ROBO1: variants seen among roughly 807,000 people sequenced by gnomAD.
ROBO1 encodes the protein roundabout homolog 1.
Under a neutral mutation model 195.9 loss-of-function variants are expected in ROBO1, and 149 were observed. The observed-to-expected ratio is 0.76, with a 90% CI of 0.67 to 0.87. The LOEUF (loss-of-function observed/expected upper bound fraction) is 0.87. Among genes scored for constraint, ROBO1 ranks in the 40% least tolerant of loss-of-function variants. The pLI is 0.00. For synonymous variants in ROBO1, 816 were observed against 733.2 expected, an observed-to-expected ratio of 1.11 and a Z score of -1.82; for missense variants, 1,933 against 2,068.3, an observed-to-expected ratio of 0.93 and a Z score of 1.27.
chr3:78,863,287 T>A (rs1439356380), intron 4 of ROBO1, among the ~76,000 whole-genome samples: 1 of 152,172 alleles, frequency 6.6e-6, no homozygotes, highest in African/African-American at 2.4e-5. Flanking sequence ...ATTATCAATA[T>A]CTGATCCATT....
At chr3:78,720,736 T>C (rs1234874534) in intron 5 of ROBO1, among the ~76,000 whole-genome samples, 6 of 152,242 alleles carry the variant, frequency 3.9e-5, no homozygotes, top group Admixed American at 1.3e-4. Context: ...AAATGTGGCA[T>C]ATATACACCA....
In ROBO1 at chr3:79,715,231, T is replaced by C. The variant is rs1376001874; in HGVS notation, c.-51+52521A>G. Among the ~76,000 whole-genome samples, 7 of 152,220 alleles carry C rather than the reference T, an allele frequency of 4.6e-5. No homozygotes were observed. In the East Asian group the frequency reaches 1.4e-3, roughly 29 times the overall value. On this transcript the variant is annotated intron_variant, in intron 1 of 30. Coordinates refer to ENST00000464233, the MANE Select transcript of ROBO1 (RefSeq NM_002941.4). Reference sequence around the variant, plus strand: ...AAAGCTGTGGCATGGTTTGAGAGGATTGAACTCAATTTTAAAAGGCATTCT... The same window carrying C: ...AAAGCTGTGGCATGGTTTGAGAGGACTGAACTCAATTTTAAAAGGCATTCT...
chr3:79,758,341 G>T (rs1024351243), intron 1 of ROBO1, among the ~76,000 whole-genome samples: 14 of 152,138 alleles, frequency 9.2e-5, no homozygotes, highest in African/African-American at 3.4e-4. Context: ...CAGTTCCTTT[G>T]TTGCACTAGC....
intron 5 of ROBO1, among the ~76,000 whole-genome samples, chr3:78,738,117 G>A (rs1324483163): frequency 6.6e-6 from 1 of 152,138 alleles, no homozygotes; most frequent in Admixed American, 6.6e-5. Flanking sequence ...AGCAGATGGC[G>A]TAGGAAGGAG....
chr3:78,778,134 A>G (rs1209960139), intron 4 of ROBO1, among the ~76,000 whole-genome samples: 1 of 152,136 alleles, frequency 6.6e-6, no homozygotes, highest in Non-Finnish European at 1.5e-5. Context: ...GATGGATTAT[A>G]TTTATTGATT....
intron 3 of ROBO1, among the ~76,000 whole-genome samples, chr3:78,949,197 C>T (rs79910726): frequency 0.39 from 49,348 of 126,574 alleles, 10,832 homozygotes; most frequent in African/African-American, 0.65. Context: ...GAGACCGCAT[C>T]GCCAAGTCAA....
chr3:79,056,431 A>G (rs1044542481), intron 3 of ROBO1, among the ~76,000 whole-genome samples: 25 of 152,110 alleles, frequency 1.6e-4, no homozygotes, highest in African/African-American at 5.1e-4. Flanking sequence ...TGGATTACAC[A>G]TCGCTCAGGA....
rs1016442355 is a variant in ROBO1, at chr3:78,726,169, C to T, written c.658-8286G>A. On this transcript the variant is annotated intron_variant, in intron 5 of 30. Transcript: ENST00000464233. Reference sequence around the variant, plus strand: ...ACCACCAAACTGTCATAGAATTTATCTCATTTCCTTTAATATATTTTACAT... The same window carrying T: ...ACCACCAAACTGTCATAGAATTTATTTCATTTCCTTTAATATATTTTACAT... 2.0e-5 allele frequency among the ~76,000 whole-genome samples: 3 copies of T among 152,238 alleles called. No individual in the cohort carries two copies. In the East Asian group the frequency reaches 5.8e-4, roughly 29 times the overall value.
intron 30 of ROBO1, 158 bp downstream of exon 30, chr3:78,599,955 C>A: frequency 1.5e-6 from 1 of 688,866 alleles, no homozygotes; most frequent in Non-Finnish European, 2.6e-6. Flanking sequence ...CAAGAAAATT[C>A]TCAAATTCTC....
chr3:79,551,801 G>A (rs1178922491), intron 2 of ROBO1, among the ~76,000 whole-genome samples: 1 of 151,564 alleles, frequency 6.6e-6, no homozygotes, highest in African/African-American at 2.4e-5. Context: ...ACCTTTCAAA[G>A]GATGATCTTA....
chr3:79,039,522 G>A (rs921168586), intron 3 of ROBO1, among the ~76,000 whole-genome samples: 2 of 152,236 alleles, frequency 1.3e-5, no homozygotes, highest in African/African-American at 4.8e-5. Context: ...TTGTGGCTGA[G>A]CGCTGTGGCT....
chr3:79,601,481 CTA>C (rs1464888139), intron 1 of ROBO1, among the ~76,000 whole-genome samples: 3 of 151,902 alleles, frequency 2.0e-5, no homozygotes, highest in Admixed American at 1.3e-4. Context: ...GCAAAGGTCT[CTA>C]TTATGATATT....
At chr3:79,230,003 C>T (rs1286309082) in intron 2 of ROBO1, among the ~76,000 whole-genome samples, 1 of 152,092 alleles carries the variant, frequency 6.6e-6, no homozygotes, top group Non-Finnish European at 1.5e-5. Flanking sequence ...AATCAGCGTT[C>T]TGTGAACTTC....
chr3:78,906,402 C>G (rs1311171911), intron 4 of ROBO1, among the ~76,000 whole-genome samples: 1 of 152,088 alleles, frequency 6.6e-6, no homozygotes. Flanking sequence ...CAGCCACTGA[C>G]TTGGCCTTTA....
intron 3 of ROBO1, among the ~76,000 whole-genome samples, chr3:79,112,863 T>C (rs1054883989): frequency 1.3e-5 from 2 of 152,124 alleles, no homozygotes; most frequent in Non-Finnish European, 2.9e-5. Context: ...TGTATACATA[T>C]GTAACTAACC....
intron 3 of ROBO1, among the ~76,000 whole-genome samples, chr3:79,049,341 T>C (rs2078653324): frequency 6.6e-6 from 1 of 151,696 alleles, no homozygotes; most frequent in Non-Finnish European, 1.5e-5. Flanking sequence ...GAAGACAAGA[T>C]TAGAGAAAAA....
intron 3 of ROBO1, among the ~76,000 whole-genome samples, chr3:78,966,846 A>G (rs2076655478): frequency 6.6e-6 from 1 of 152,192 alleles, no homozygotes; most frequent in Non-Finnish European, 1.5e-5. Flanking sequence ...ACAGTAAATG[A>G]ATTATCTGCT....
chr3:79,413,297 T>C (rs2037858272), intron 2 of ROBO1, among the ~76,000 whole-genome samples: 2 of 151,926 alleles, frequency 1.3e-5, no homozygotes, highest in Admixed American at 6.6e-5. Context: ...AAGAACCAAA[T>C]AGGTAGAATA....
chr3:78,765,765 C>A (rs777044895), intron 4 of ROBO1, among the ~76,000 whole-genome samples: 2 of 152,100 alleles, frequency 1.3e-5, no homozygotes, highest in African/African-American at 4.8e-5. Context: ...AGATGGCACT[C>A]AGGATTTCTC....
Sources: allele counts gnomAD v4.1 joint callset (sites outside exome capture counted in the v4.1 genomes callset), GRCh38; gene constraint gnomAD v4.1.1; transcripts MANE v1.5; gene names NCBI Gene and HGNC (gene_info 2026-07-23, HGNC 2026-07-21).